The following CACNB4 variants were observed in gnomAD, a reference collection of about 807,000 sequenced individuals.
CACNB4 encodes calcium voltage-gated channel auxiliary subunit beta 4.
A neutral mutation model predicts 71.2 loss-of-function variants in CACNB4; 32 were observed. The observed-to-expected ratio is 0.45, with a 90% CI of 0.34 to 0.60. The LOEUF (loss-of-function observed/expected upper bound fraction) is 0.60. CACNB4 is among the 20% of genes least tolerant of loss of function. The pLI is 0.01. For synonymous variants in CACNB4, 231 were observed against 236.9 expected (o/e 0.97, Z 0.23); for missense variants, 464 against 647.9 (o/e 0.72, Z 3.08).
intron 2 of CACNB4, among the ~76,000 whole-genome samples, chr2:151,886,867 A>G (rs2099849483): frequency 6.6e-6 from 1 of 152,154 alleles, no homozygotes; most frequent in African/African-American, 2.4e-5. Flanking sequence ...ATATCCCAGA[A>G]AAAAAGGAAG....
rs143505844 is a variant in CACNB4 at position 152,000,648 on chromosome 2, T to C, written c.147+97682A>G. On this transcript the variant is annotated intron_variant, in intron 2 of 13. Transcript: ENST00000539935. The stretch of plus-strand genomic sequence containing the variant: ...TTCCTTTCTCAGTTAACAGCATCCA[T>C]GTCAACCCAGTTGTCCAAACTGGAA... Among the ~76,000 whole-genome samples the C allele has an allele frequency of 3.1e-3, 474 of 152,298 alleles. 4 individuals are homozygous for C. Among genetic ancestry groups the C allele is most frequent in the African/African-American group, 0.011 (454 of 41,568 alleles).
At chr2:151,865,703 T>A (rs934043253) in intron 9 of CACNB4, 1 of 152,208 alleles carries the variant, frequency 6.6e-6, no homozygotes, top group Non-Finnish European at 1.5e-5. Context: ...ACAGGAATCA[T>A]TGCTTCATGT....
intron 10 of CACNB4, chr2:151,856,697 ACTAT>A (rs905332054): frequency 1.3e-5 from 2 of 151,914 alleles, no homozygotes; most frequent in African/African-American, 4.8e-5. Context: ...AGTACACAAA[ACTAT>A]CTAACTTAAA....
At chr2:152,006,650 C>T (rs956177447) in intron 2 of CACNB4, among the ~76,000 whole-genome samples, 1 of 152,146 alleles carries the variant, frequency 6.6e-6, no homozygotes, top group Non-Finnish European at 1.5e-5. Context: ...CCTGCCTTGG[C>T]CTCCCAAAGT....
intron 2 of CACNB4, among the ~76,000 whole-genome samples, chr2:151,997,351 G>A (rs6720927): frequency 0.47 from 70,975 of 151,764 alleles, 19,797 homozygotes; most frequent in Non-Finnish European, 0.63. Flanking sequence ...TGGCCAACAC[G>A]GTGAAACCCC....
At chr2:152,020,001 C>T (rs1019731397) in intron 2 of CACNB4, among the ~76,000 whole-genome samples, 2 of 152,158 alleles carry the variant, frequency 1.3e-5, no homozygotes, top group African/African-American at 4.8e-5. Context: ...GCAGATGAAG[C>T]TCTTAAAAAC....
chr2:152,096,344 C>G (rs1408756516), intron 2 of CACNB4, among the ~76,000 whole-genome samples: 1 of 152,000 alleles, frequency 6.6e-6, no homozygotes, highest in South Asian at 2.1e-4. Flanking sequence ...GTTAGCCAGG[C>G]GTGATGGCGG....
At chr2:152,055,074 C>T (rs576422666) in intron 2 of CACNB4, among the ~76,000 whole-genome samples, 17 of 152,286 alleles carry the variant, frequency 1.1e-4, no homozygotes, top group Admixed American at 7.8e-4. Flanking sequence ...TGCAGTGGCA[C>T]AATCTCAGCT....
At chr2:152,078,478 C>G (rs1687162917) in intron 2 of CACNB4, among the ~76,000 whole-genome samples, 1 of 152,214 alleles carries the variant, frequency 6.6e-6, no homozygotes, top group African/African-American at 2.4e-5. Context: ...TTCTCTCCTT[C>G]CTTCCAGAAA....
At chr2:151,915,717 G>A (rs530813192) in intron 2 of CACNB4, among the ~76,000 whole-genome samples, 10 of 152,214 alleles carry the variant, frequency 6.6e-5, no homozygotes, top group Non-Finnish European at 1.2e-4. Flanking sequence ...CATGGTGGCA[G>A]GTGCCTGTAA....
At chr2:151,941,219 T>C (rs2151631704) in intron 2 of CACNB4, among the ~76,000 whole-genome samples, 1 of 152,058 alleles carries the variant, frequency 6.6e-6, no homozygotes, top group East Asian at 1.9e-4. Flanking sequence ...CCAGTTGTCA[T>C]GCATTGTGTA....
At chr2:151,987,407 T>C (rs1249663312) in intron 2 of CACNB4, among the ~76,000 whole-genome samples, 1 of 152,180 alleles carries the variant, frequency 6.6e-6, no homozygotes, top group Non-Finnish European at 1.5e-5. Flanking sequence ...CCATGGGCTA[T>C]TTTGCCTGCC....
intron 2 of CACNB4, among the ~76,000 whole-genome samples, chr2:152,039,347 C>T (rs951331148): frequency 1.3e-4 from 20 of 150,526 alleles, no homozygotes; most frequent in Admixed American, 9.3e-4. Flanking sequence ...ACCCGGGAGG[C>T]GGAGGTTGCA....
At chr2:152,017,403 G>A (rs1052169837) in intron 2 of CACNB4, among the ~76,000 whole-genome samples, 1 of 148,262 alleles carries the variant, frequency 6.7e-6, no homozygotes, top group Non-Finnish European at 1.5e-5. Flanking sequence ...AGAAACAGAA[G>A]GAAGCCTTAA....
At chr2:151,931,995 C>T (rs1364131804) in intron 2 of CACNB4, among the ~76,000 whole-genome samples, 2 of 151,956 alleles carry the variant, frequency 1.3e-5, no homozygotes, top group African/African-American at 4.8e-5. Flanking sequence ...AAAAATATGA[C>T]AAGAGGTATT....
chr2:151,971,869 T>C (rs925729346), intron 2 of CACNB4: 4 of 459,208 alleles, frequency 8.7e-6, no homozygotes, highest in Admixed American at 6.9e-5. Context: ...ACTCCTCATG[T>C]TTCCCACCTT....
intron 2 of CACNB4, among the ~76,000 whole-genome samples, chr2:151,994,281 G>A (rs1472156625): frequency 6.6e-6 from 1 of 151,690 alleles, no homozygotes; most frequent in East Asian, 1.9e-4. Context: ...CCAGGCTGGA[G>A]TGCAGTGGCA....
Position 151,986,702 on chromosome 2 carries a change from A to G in CACNB4, c.148-103332T>C, listed in dbSNP as rs1219162054. Among the ~76,000 whole-genome samples the G allele has an allele frequency of 7.2e-5, 11 of 152,328 alleles. No homozygotes were observed. In the East Asian group the frequency reaches 1.9e-3, roughly 27 times the overall value. On this transcript the variant is annotated intron_variant, in intron 2 of 13. Transcript: ENST00000539935. ...TAGAGAAAAACAAAGGCCTGGTATTAGAGAGAAAAGTTCCCTTCATATCAG... is the reference window on the plus strand; with the variant it reads ...TAGAGAAAAACAAAGGCCTGGTATTGGAGAGAAAAGTTCCCTTCATATCAG...
intron 2 of CACNB4, among the ~76,000 whole-genome samples, chr2:152,009,173 A>G (rs1682907800): frequency 6.6e-6 from 1 of 150,454 alleles, no homozygotes; most frequent in Non-Finnish European, 1.5e-5. Context: ...CCTGGGAAAC[A>G]GTGAGACCCT....
Sources: allele counts gnomAD v4.1 joint callset (sites outside exome capture counted in the v4.1 genomes callset), GRCh38; gene constraint gnomAD v4.1.1; transcripts MANE v1.5; gene names NCBI Gene and HGNC (gene_info 2026-07-23, HGNC 2026-07-21).